Variants in TRIM44 observed in about 807,000 individuals in gnomAD.
The protein encoded by TRIM44 is tripartite motif-containing protein 44.
In TRIM44, 13 loss-of-function variants were observed where a neutral mutation model predicts 37.4. That is an observed-to-expected ratio of 0.35 (90% CI 0.23 to 0.55). The LOEUF (loss-of-function observed/expected upper bound fraction) is 0.55. TRIM44 is among the 20% of genes least tolerant of loss of function. The pLI, the probability that TRIM44 is intolerant of heterozygous loss-of-function variation, is 0.89. For synonymous variants in TRIM44, 175 were observed against 157.2 expected, an observed-to-expected ratio of 1.11 and a Z score of -0.85; for missense variants, 426 against 437.2, an observed-to-expected ratio of 0.97 and a Z score of 0.23.
intron 1 of TRIM44, among the ~76,000 whole-genome samples, chr11:35,665,394 A>G (rs1260061229): frequency 6.6e-6 from 1 of 151,288 alleles, no homozygotes. Context: ...AAAACTTGCT[A>G]TTACTGTATT....
At chr11:35,681,466 T>G (rs1208622893) in intron 1 of TRIM44, among the ~76,000 whole-genome samples, 1 of 152,182 alleles carries the variant, frequency 6.6e-6, no homozygotes, top group Non-Finnish European at 1.5e-5. Context: ...TATCTCTTTT[T>G]ATTCTACACC....
chr11:35,758,299 T>C (rs978242462), intron 4 of TRIM44, among the ~76,000 whole-genome samples: 1 of 152,234 alleles, frequency 6.6e-6, no homozygotes, highest in South Asian at 2.1e-4. Flanking sequence ...AAAGTTTGTT[T>C]CATCAGAGAC....
At chr11:35,757,195 A>G (rs758913109) in intron 4 of TRIM44, among the ~76,000 whole-genome samples, 4 of 152,198 alleles carry the variant, frequency 2.6e-5, no homozygotes, top group African/African-American at 9.7e-5. Flanking sequence ...TTATTGGTCT[A>G]TTCAGAGATT....
chr11:35,774,837 T>G (rs1035039956), intron 4 of TRIM44, among the ~76,000 whole-genome samples: 1 of 152,214 alleles, frequency 6.6e-6, no homozygotes, highest in African/African-American at 2.4e-5. Context: ...ATCTCTGTTT[T>G]GGTACCAGTA....
At chr11:35,803,974 A>G (rs643290) in intron 4 of TRIM44, among the ~76,000 whole-genome samples, 146,109 of 149,922 alleles carry the variant, frequency 0.97, 71,272 homozygotes, top group East Asian at 1. Context: ...CTTTGAAGGT[A>G]CTGTTCTGGG....
chr11:35,817,334 G>A lies in TRIM44; in HGVS notation c.*10949G>A, dbSNP rs1288235951. ...TCACTCCCATCCCTGCTCTGCCACT[G>A]ACAAGTTGTGTGGCATTTGGCACAT... On this transcript the variant is annotated 3_prime_UTR_variant, in exon 5 of 5. Transcript: ENST00000299413. 6.6e-6 allele frequency: 1 copy of A among 152,228 alleles called. No homozygotes were observed. Among genetic ancestry groups the A allele is most frequent in the African/African-American group, 2.4e-5 (1 of 41,452 alleles). 9.4% of individuals were successfully genotyped at this position (152,228 alleles called of 1,614,324 possible). A position where few individuals can be genotyped will look rare whatever the true frequency, so the allele number is the denominator to read the frequency against.
intron 1 of TRIM44, among the ~76,000 whole-genome samples, chr11:35,685,042 A>T (rs1851558414): frequency 6.6e-6 from 1 of 152,202 alleles, no homozygotes; most frequent in Admixed American, 6.5e-5. Flanking sequence ...TTTAATTTTC[A>T]TTCCATATAG....
intron 4 of TRIM44, among the ~76,000 whole-genome samples, chr11:35,776,240 T>C (rs867977110): frequency 6.6e-6 from 1 of 152,204 alleles, no homozygotes; most frequent in Non-Finnish European, 1.5e-5. Flanking sequence ...TTTCTAGTTA[T>C]TTGCGTGGAG....
chr11:35,781,526 A>G (rs551830075), intron 4 of TRIM44, among the ~76,000 whole-genome samples: 2 of 152,162 alleles, frequency 1.3e-5, no homozygotes, highest in Non-Finnish European at 2.9e-5. Flanking sequence ...GGATCCAGAT[A>G]TGCCAGAGTC....
intron 4 of TRIM44, among the ~76,000 whole-genome samples, chr11:35,771,235 A>T (rs1028666620): frequency 6.6e-6 from 1 of 152,224 alleles, no homozygotes; most frequent in African/African-American, 2.4e-5. Context: ...AGGTGGTCTC[A>T]TATGGAGATG....
rs560059549 is a variant in TRIM44, at chr11:35,743,804, CCA to C, written c.1007+8360_1007+8361del. Among the ~76,000 whole-genome samples, 281 of 152,284 alleles carry C rather than the reference CCA, an allele frequency of 1.8e-3. 3 individuals are homozygous for C. The highest frequency in any genetic ancestry group is 6.5e-3 in the African/African-American group (270 of 41,562). Reference sequence around the variant, plus strand: ...CTGCAGCAAATTTTATGCTAATCTGCCATGGATACAGGGTTACCATGTCCATG... The same window carrying C: ...CTGCAGCAAATTTTATGCTAATCTGCTGGATACAGGGTTACCATGTCCATG... On this transcript the variant is annotated intron_variant, in intron 4 of 4. Transcript: ENST00000299413.
Position 35,806,622 on chromosome 11 carries a change from C to A in TRIM44, c.*237C>A. 1.9e-6 allele frequency: 1 copy of A among 512,878 alleles called. No homozygotes were observed. Among genetic ancestry groups the A allele is most frequent in the South Asian group, 2.9e-5 (1 of 34,208 alleles). The allele number at this position is 512,878 out of a possible 1,614,324, so 31.8% of individuals were successfully genotyped here. On this transcript the variant is annotated 3_prime_UTR_variant, in exon 5 of 5. Transcript: ENST00000299413. ...AAGGAAAAGAGCCCCTTTGATCCAC[C>A]AGGAGCAATTAAGAAAGGTCCTTCA...
intron 4 of TRIM44, among the ~76,000 whole-genome samples, chr11:35,756,973 T>G (rs552285813): frequency 1.3e-5 from 2 of 152,296 alleles, no homozygotes; most frequent in Admixed American, 6.5e-5. Flanking sequence ...TTCTCTTTTT[T>G]TGTTGTGTCT....
intron 2 of TRIM44, among the ~76,000 whole-genome samples, chr11:35,714,546 C>T (rs1852015842): frequency 6.6e-6 from 1 of 152,070 alleles, no homozygotes; most frequent in South Asian, 2.1e-4. Flanking sequence ...GTATTTGTGG[C>T]AGTATGCAGT....
intron 1 of TRIM44, among the ~76,000 whole-genome samples, chr11:35,681,457 ATC>A (rs1167409832): frequency 6.6e-6 from 1 of 152,292 alleles, no homozygotes; most frequent in Non-Finnish European, 1.5e-5. Flanking sequence ...TGTAGCACTT[ATC>A]TCTTTTTATT....
intron 1 of TRIM44, among the ~76,000 whole-genome samples, chr11:35,681,375 C>G (rs754236729): frequency 1.3e-5 from 2 of 152,156 alleles, no homozygotes; most frequent in Admixed American, 6.5e-5. Context: ...TGACTCATCC[C>G]TAGGAGGTGG....
chr11:35,743,746 A>G (rs945068964), intron 4 of TRIM44, among the ~76,000 whole-genome samples: 6 of 152,170 alleles, frequency 3.9e-5, no homozygotes, highest in Admixed American at 2.0e-4. Context: ...TTCCCAGCTC[A>G]TCAGTGGGTT....
At chr11:35,668,686 A>G (rs1489260400) in intron 1 of TRIM44, among the ~76,000 whole-genome samples, 2 of 152,246 alleles carry the variant, frequency 1.3e-5, no homozygotes, top group Non-Finnish European at 1.5e-5. Context: ...ACGTGCGTGT[A>G]TCTGTGTAAT....
intron 1 of TRIM44, among the ~76,000 whole-genome samples, chr11:35,667,922 G>T (rs888635604): frequency 4.6e-5 from 7 of 151,986 alleles, no homozygotes; most frequent in Non-Finnish European, 8.8e-5. Flanking sequence ...GCCTATCATT[G>T]TTCTTTTACT....
Sources: allele counts gnomAD v4.1 joint callset (sites outside exome capture counted in the v4.1 genomes callset), GRCh38; gene constraint gnomAD v4.1.1; transcripts MANE v1.5; gene names NCBI Gene and HGNC (gene_info 2026-07-23, HGNC 2026-07-21).